The following ARSF variants were observed in gnomAD, a reference collection of about 807,000 sequenced individuals.
ARSF encodes the protein arylsulfatase F.
Under a neutral mutation model 35.4 loss-of-function variants are expected in ARSF, and 33 were observed. That is an observed-to-expected ratio of 0.93 (90% CI 0.71 to 1.25). The LOEUF is 1.25. ARSF is among the 50% of genes most tolerant of loss of function. The probability of loss-of-function intolerance (pLI) is 0.00; values close to 1 mark genes in which losing one functional copy is unlikely to be tolerated. For synonymous variants in ARSF, 222 were observed against 193.1 expected (o/e 1.15, Z -1.24); for missense variants, 501 against 480.2 (o/e 1.04, Z -0.40).
chrX:3,041,260 T>A (rs1603463818), upstream of ARSF, among the ~76,000 whole-genome samples: 1 of 108,116 alleles, frequency 9.2e-6, no homozygotes, highest in Non-Finnish European at 1.9e-5. Flanking sequence ...ACTTTAAATC[T>A]TCTGTTTACT....
intron 4 of ARSF, 82 bp from the exon 5 acceptor site, chrX:3,080,809 C>T: frequency 8.9e-7 from 1 of 1,127,921 alleles, no homozygotes; most frequent in Non-Finnish European, 1.2e-6. Flanking sequence ...ATGAGGATTT[C>T]AATGTGCAAA....
intron 7 of ARSF, among the ~76,000 whole-genome samples, chrX:3,099,283 A>G (rs2090360100): frequency 1.8e-5 from 2 of 111,866 alleles, no homozygotes; most frequent in African/African-American, 6.5e-5. Flanking sequence ...TGTCCTCAAA[A>G]GAAAATTTAT....
At chrX:3,080,739 C>T in intron 4 of ARSF, 152 bp from the exon 5 acceptor site, 2 of 611,561 alleles carry the variant, frequency 3.3e-6, no homozygotes, top group Non-Finnish European at 4.9e-6. Flanking sequence ...ATTCTTGAGG[C>T]TCCACCCTCC....
intron 4 of ARSF, among the ~76,000 whole-genome samples, chrX:3,078,244 C>G (rs1569138716): frequency 1.8e-5 from 2 of 110,974 alleles, no homozygotes; most frequent in Non-Finnish European, 3.8e-5. Context: ...GGATGGAGTG[C>G]AGTGGTATGA....
At chrX:3,055,272 G>A (rs1461598692) in intron 1 of ARSF, among the ~76,000 whole-genome samples, 1 of 102,740 alleles carries the variant, frequency 9.7e-6, no homozygotes, top group African/African-American at 3.6e-5. Context: ...AACCTGGGAG[G>A]CGGAGGTTGC....
chrX:3,083,402 A>T (rs1298265646), intron 5 of ARSF, among the ~76,000 whole-genome samples: 1 of 110,341 alleles, frequency 9.1e-6, no homozygotes, highest in African/African-American at 3.3e-5. Flanking sequence ...CCATCCATCC[A>T]CCTACACACA....
At chrX:3,093,019 AC>A (rs746154542) in intron 7 of ARSF, among the ~76,000 whole-genome samples, 2,823 of 110,511 alleles carry the variant, frequency 0.026, 139 homozygotes, top group African/African-American at 0.09. Context: ...AAATATACAA[AC>A]ACATCCGTGG....
At chrX:3,106,325 T>C (rs1367840867) in intron 9 of ARSF, among the ~76,000 whole-genome samples, 1 of 112,328 alleles carries the variant, frequency 8.9e-6, no homozygotes, top group Non-Finnish European at 1.9e-5. Flanking sequence ...TTTTTGGTTA[T>C]TCCTATGCTT....
rs1458923011 is a variant in ARSF at position 3,094,920 on chromosome X, TATC to T, written c.967+5291_967+5293del. The stretch of plus-strand genomic sequence containing the variant: ...ATATTAGTATTAATAATTTGAAAGT[TATC>T]ATATATATGAATATATATTATGTAT... On this transcript the variant is annotated intron_variant, in intron 7 of 10. Transcript: ENST00000381127. Among the ~76,000 whole-genome samples, 9 of 109,411 alleles carry T rather than the reference TATC, an allele frequency of 8.2e-5. No homozygotes were observed. The East Asian group carries it at 1.1e-3, about 14-fold the overall frequency.
At chrX:3,043,629 C>T (rs771185652) in intron 1 of ARSF, among the ~76,000 whole-genome samples, 73 of 111,315 alleles carry the variant, frequency 6.6e-4, no homozygotes, top group Non-Finnish European at 6.4e-4. Flanking sequence ...TGGTAACTCT[C>T]TCCTTCAACT....
At chrX:3,098,355 T>C (rs866256694) in intron 7 of ARSF, among the ~76,000 whole-genome samples, 1 of 108,932 alleles carries the variant, frequency 9.2e-6, no homozygotes, top group Non-Finnish European at 1.9e-5. Context: ...TCAACCCAAA[T>C]AGAGAGAGAG....
chrX:3,078,528 C>G (rs2090170986), intron 4 of ARSF, among the ~76,000 whole-genome samples: 1 of 111,186 alleles, frequency 9.0e-6, no homozygotes, highest in African/African-American at 3.3e-5. Flanking sequence ...GAGATAGGGT[C>G]TCCCTTTGTT....
At chrX:3,042,752 C>T (rs1406664991) in intron 1 of ARSF, among the ~76,000 whole-genome samples, 1 of 111,021 alleles carries the variant, frequency 9.0e-6, no homozygotes, top group Non-Finnish European at 1.9e-5. Context: ...CCCACCTAAG[C>T]CTCCCAAAGT....
chrX:3,055,173 T>C (rs779598832), intron 1 of ARSF, among the ~76,000 whole-genome samples: 362 of 106,290 alleles, frequency 3.4e-3, no homozygotes, highest in African/African-American at 0.012. Context: ...AGAAACCCCG[T>C]CTCTACTAAA....
intron 7 of ARSF, among the ~76,000 whole-genome samples, chrX:3,099,013 C>G (rs947626967): frequency 2.7e-5 from 3 of 110,572 alleles, no homozygotes; most frequent in African/African-American, 9.9e-5. Flanking sequence ...TATCTTCTCT[C>G]GCCCCTCTTC....
intron 8 of ARSF, among the ~76,000 whole-genome samples, chrX:3,103,418 TA>T (rs954936212): frequency 1.9e-4 from 21 of 109,957 alleles, no homozygotes; most frequent in Middle Eastern, 4.7e-3. Context: ...AAATATTAAT[TA>T]AAAAAAATAT....
chrX:3,059,527 T>A lies in ARSF; in HGVS notation c.-28-8546T>A, dbSNP rs145967653. On this transcript the variant is annotated intron_variant, in intron 1 of 10. Transcript: ENST00000381127. Reference sequence around the variant, plus strand: ...TGGGAAGTGTCAGAGGATTTCCCTTTCCTAGCCAAGGAAGCTGTGACAGAC... The same window carrying A: ...TGGGAAGTGTCAGAGGATTTCCCTTACCTAGCCAAGGAAGCTGTGACAGAC... Among the ~76,000 whole-genome samples the A allele has an allele frequency of 9.3e-3, 1,041 of 112,254 alleles. 16 individuals are homozygous for A. Among genetic ancestry groups the A allele is most frequent in the African/African-American group, 0.032 (987 of 30,942 alleles).
intron 9 of ARSF, 132 bp downstream of exon 9, chrX:3,104,056 T>G (rs781630411): frequency 1.1e-5 from 7 of 620,210 alleles, no homozygotes; most frequent in Admixed American, 7.6e-5. Flanking sequence ...TTTACCTTCC[T>G]ATATGACTGT....
At chrX:3,069,560 C>A (rs1294314634) in intron 2 of ARSF, among the ~76,000 whole-genome samples, 4 of 111,103 alleles carry the variant, frequency 3.6e-5, no homozygotes, top group African/African-American at 1.3e-4. Flanking sequence ...GATTCTCCTG[C>A]CTCAGCCCCC....
Sources: gnomAD v4.1 joint callset for allele counts (sites outside exome capture counted in the v4.1 genomes callset) on GRCh38, gnomAD v4.1.1 for gene constraint, MANE v1.5 for transcripts, NCBI Gene and HGNC (gene_info 2026-07-23, HGNC 2026-07-21) for gene names.